Variants in SLC12A6 observed in about 807,000 individuals in gnomAD.
SLC12A6 encodes the protein solute carrier family 12 member 6.
In SLC12A6, 66 loss-of-function variants were observed where a neutral mutation model predicts 135.3. The observed-to-expected ratio is 0.49, with a 90% CI of 0.40 to 0.60. The LOEUF is 0.60. SLC12A6 is among the 20% of genes least tolerant of loss of function. The pLI, the probability that SLC12A6 is intolerant of heterozygous loss-of-function variation, is 0.00. For synonymous variants in SLC12A6, 513 were observed against 508.8 expected, an observed-to-expected ratio of 1.01 and a Z score of -0.11; for missense variants, 1,058 against 1,452.3, an observed-to-expected ratio of 0.73 and a Z score of 4.41.
chr15:34,240,948 AG>A (rs1891602631), intron 18 of SLC12A6, 119 bp from the exon 19 acceptor site: 1 of 821,304 alleles, frequency 1.2e-6, no homozygotes, highest in East Asian at 2.7e-5. Context: ...ATTTGACAGA[AG>A]GAAGAGATCA....
At position 34,254,401 on chromosome 15, in the gene SLC12A6, G is replaced by C. The variant is rs1229903219; in HGVS notation, c.1065C>G (p.Ile355Met). 5.6e-6 allele frequency: 9 copies of C among 1,613,306 alleles called. No homozygotes were observed. Among genetic ancestry groups the C allele is most frequent in the Non-Finnish European group, 7.6e-6 (9 of 1,179,318 alleles). Reference sequence around the variant, plus strand: ...TGATGGCTCCAGCATAGATGGCCAAGATGGACACAATGACACAGGCCAGGA... The same window carrying C: ...TGATGGCTCCAGCATAGATGGCCAACATGGACACAATGACACAGGCCAGGA... ...SLFLACVIVS[I>M]LAIYAGAIKS... Residue 355 changes from isoleucine (I) to methionine (M), a missense_variant, in exon 9 of 26, where the codon ATC (isoleucine) becomes ATG (methionine). Ile to Met is a conservative substitution (Grantham distance 10). Coordinates refer to ENST00000354181, the MANE Select transcript of SLC12A6 (RefSeq NM_001365088.1).
chr15:34,327,547 A>G (rs1050104520), intron 2 of SLC12A6, among the ~76,000 whole-genome samples: 2 of 151,946 alleles, frequency 1.3e-5, no homozygotes, highest in African/African-American at 4.8e-5. Flanking sequence ...AATCCCAGCT[A>G]CTCAGGAGGC....
intron 2 of SLC12A6, among the ~76,000 whole-genome samples, chr15:34,330,322 G>A (rs1235320336): frequency 6.6e-6 from 1 of 152,176 alleles, no homozygotes; most frequent in Admixed American, 6.5e-5. Flanking sequence ...GTATAAAGCA[G>A]TATATTATAA....
chr15:34,305,889 C>T (rs1486142519), intron 2 of SLC12A6, among the ~76,000 whole-genome samples: 2 of 151,776 alleles, frequency 1.3e-5, no homozygotes, highest in African/African-American at 2.4e-5. Flanking sequence ...TCCTGAGTAA[C>T]TGGGACTACA....
chr15:34,263,591 C>T (rs1893304367), intron 3 of SLC12A6, among the ~76,000 whole-genome samples: 1 of 151,572 alleles, frequency 6.6e-6, no homozygotes, highest in South Asian at 2.1e-4. Context: ...TTTATTTGAG[C>T]ACTTCCTTAA....
chr15:34,282,223 G>T (rs773592273), intron 2 of SLC12A6, among the ~76,000 whole-genome samples: 2 of 152,156 alleles, frequency 1.3e-5, no homozygotes, highest in African/African-American at 4.8e-5. Context: ...ATTGTAAGTA[G>T]ACTTGTCAAA....
chr15:34,241,865 T>G (rs941327860), intron 17 of SLC12A6, among the ~76,000 whole-genome samples: 17 of 152,206 alleles, frequency 1.1e-4, no homozygotes, highest in African/African-American at 3.9e-4. Context: ...TAGTACTAAT[T>G]ATTATTATTT....
intron 11 of SLC12A6, 39 bp from the exon 12 acceptor site, chr15:34,250,768 G>T: frequency 7.1e-7 from 1 of 1,401,472 alleles, no homozygotes; most frequent in Non-Finnish European, 1.0e-6. Flanking sequence ...TTAACTTCTT[G>T]GACACTTTGA....
At chr15:34,250,753 C>A (rs896568907) in intron 11 of SLC12A6, 24 bp from the exon 12 acceptor site, 7 of 1,467,350 alleles carry the variant, frequency 4.8e-6, no homozygotes, top group African/African-American at 2.8e-5. Flanking sequence ...GGGGAAAAAA[C>A]CAAGTTAACT....
chr15:34,315,411 G>C lies in SLC12A6; in HGVS notation c.271+20999C>G, dbSNP rs1051221215. On this transcript the variant is annotated intron_variant, in intron 2 of 25. Transcript: ENST00000354181. ...TCACTGAAGGCTCAGATGATCATTA[G>C]CATTTTTTGGTAATAAAGTATATTT... 2.0e-5 allele frequency among the ~76,000 whole-genome samples: 3 copies of C among 152,046 alleles called. No homozygotes were observed. The East Asian group carries it at 5.8e-4, about 29-fold the overall frequency.
At chr15:34,321,481 C>T (rs1028254186) in intron 2 of SLC12A6, among the ~76,000 whole-genome samples, 5 of 152,104 alleles carry the variant, frequency 3.3e-5, no homozygotes, top group African/African-American at 4.8e-5. Flanking sequence ...TTCCTAAGAC[C>T]AAAAACACCA....
chr15:34,296,074 T>C (rs762461043), intron 2 of SLC12A6, among the ~76,000 whole-genome samples: 3 of 152,236 alleles, frequency 2.0e-5, no homozygotes, highest in Non-Finnish European at 4.4e-5. Context: ...GGACTGTCTG[T>C]ACTACATTTC....
chr15:34,244,174 AC>A, intron 15 of SLC12A6, 102 bp from the exon 16 acceptor site: 3 of 769,256 alleles, frequency 3.9e-6, no homozygotes, highest in Non-Finnish European at 7.0e-6. Context: ...TTTCTAGACA[AC>A]TAACCCTTGA....
intron 2 of SLC12A6, among the ~76,000 whole-genome samples, chr15:34,317,507 A>G (rs1435950199): frequency 6.6e-6 from 1 of 152,190 alleles, no homozygotes; most frequent in Non-Finnish European, 1.5e-5. Flanking sequence ...GTTTGAGATC[A>G]GCCTGGCCAA....
chr15:34,256,362 G>C, intron 6 of SLC12A6, 79 bp from the exon 7 acceptor site: 1 of 994,428 alleles, frequency 1.0e-6, no homozygotes, highest in Non-Finnish European at 1.6e-6. Flanking sequence ...TGTGTTCCAA[G>C]AGCACTTGGC....
intron 17 of SLC12A6, among the ~76,000 whole-genome samples, chr15:34,241,845 G>C (rs1006824034): frequency 6.6e-5 from 10 of 152,080 alleles, no homozygotes; most frequent in African/African-American, 1.9e-4. Flanking sequence ...CATTTGTGTT[G>C]TACTTTGTTT....
At chr15:34,266,480 C>A (rs376932540) in intron 3 of SLC12A6, among the ~76,000 whole-genome samples, 2 of 152,066 alleles carry the variant, frequency 1.3e-5, no homozygotes, top group Non-Finnish European at 2.9e-5. Context: ...CTCACTCTTA[C>A]GCCCAGGCTG....
chr15:34,289,755 G>GT (rs1330205461), intron 2 of SLC12A6, among the ~76,000 whole-genome samples: 1 of 152,122 alleles, frequency 6.6e-6, no homozygotes, highest in Non-Finnish European at 1.5e-5. Context: ...AGATTTTCTA[G>GT]TTTATTTACA....
chr15:34,308,054 T>TTTTTACTCAGCTTCA (rs1887856278), intron 2 of SLC12A6, among the ~76,000 whole-genome samples: 1 of 152,192 alleles, frequency 6.6e-6, no homozygotes, highest in South Asian at 2.1e-4. Context: ...AAGAATTTAG[T>TTTTTACTCAGCTTCA]TTTTACTCAG....
Sources: allele counts gnomAD v4.1 joint callset (sites outside exome capture counted in the v4.1 genomes callset), GRCh38; gene constraint gnomAD v4.1.1; transcripts MANE v1.5; gene names NCBI Gene and HGNC (gene_info 2026-07-23, HGNC 2026-07-21).